Variants in RALGAPA1 observed in about 807,000 individuals in gnomAD.
RALGAPA1 encodes Ral GTPase activating protein catalytic subunit alpha 1.
Under a neutral mutation model 269.6 loss-of-function variants are expected in RALGAPA1, and 52 were observed. That is an observed-to-expected ratio of 0.19 (90% CI 0.15 to 0.24). The LOEUF is 0.24. Among genes scored for constraint, RALGAPA1 ranks in the 10% least tolerant of loss-of-function variants. RALGAPA1 has a pLI of 1.00. For synonymous variants in RALGAPA1, 817 were observed against 1,008.3 expected (o/e 0.81, Z 3.60); for missense variants, 1,917 against 3,013.9 (o/e 0.64, Z 8.52).
intron 38 of RALGAPA1, among the ~76,000 whole-genome samples, chr14:35,571,615 A>G (rs1167676898): frequency 1.3e-5 from 2 of 152,120 alleles, no homozygotes; most frequent in African/African-American, 2.4e-5. Context: ...CGGAGGTTGC[A>G]GTGAGCCGAG....
intron 1 of RALGAPA1, among the ~76,000 whole-genome samples, chr14:35,781,239 G>A (rs1003900064): frequency 1.3e-5 from 2 of 152,092 alleles, no homozygotes; most frequent in Non-Finnish European, 2.9e-5. Context: ...CTGTATGCTA[G>A]CAAATTACAC....
chr14:35,600,232 C>CTTTTTTTTTTTTTTTTT (rs71124708), intron 36 of RALGAPA1, among the ~76,000 whole-genome samples: 6 of 86,950 alleles, frequency 6.9e-5, no homozygotes, highest in Non-Finnish European at 9.3e-5. Flanking sequence ...TTCTTTTTTT[C>CTTTTTTTTTTTTTTTTT]TTTTTTTTTT....
chr14:35,749,066 CCACCTAT>C (rs1424554846), intron 9 of RALGAPA1, among the ~76,000 whole-genome samples: 2 of 152,040 alleles, frequency 1.3e-5, no homozygotes, highest in Non-Finnish European at 2.9e-5. Flanking sequence ...AATCATCTAC[CCACCTAT>C]AGTTATATAT....
chr14:35,604,090 C>T (rs892056634), intron 36 of RALGAPA1, among the ~76,000 whole-genome samples: 1 of 151,982 alleles, frequency 6.6e-6, no homozygotes, highest in East Asian at 1.9e-4. Flanking sequence ...TATGCACTTA[C>T]CAAAATTATA....
intron 1 of RALGAPA1, among the ~76,000 whole-genome samples, chr14:35,797,385 C>CT (rs2076652560): frequency 7.2e-6 from 1 of 139,732 alleles, no homozygotes; most frequent in Non-Finnish European, 1.5e-5. Context: ...AAAGTAAAGA[C>CT]TTTTTCAGAC....
chr14:35,672,971 G>A lies in RALGAPA1; in HGVS notation c.4969C>T (p.Leu1657Phe). ...CTTCTTTTCATTGTATTACAAATAA[G>A]TTTATATGCATGTAATTTACCTTGT... ...YKQGKLHAYK[L>F]ICNTMKRRQD... Residue 1657 changes from leucine (L) to phenylalanine (F), a missense_variant, in exon 25 of 42, where the codon CTT becomes TTT. Leu to Phe is a conservative substitution (Grantham distance 22, BLOSUM62 0). Around this residue, in one of 11 missense-constraint regions of RALGAPA1, gnomAD observed 73 missense variants for 190.6 expected, o/e 0.38. Transcript: ENST00000680220. 1.3e-6 allele frequency: 2 copies of A among 1,562,618 alleles called. No homozygotes were observed. Among genetic ancestry groups the A allele is most frequent in the Non-Finnish European group, 1.7e-6 (2 of 1,155,118 alleles).
chr14:35,598,679 CA>C (rs1272927436), intron 36 of RALGAPA1, among the ~76,000 whole-genome samples: 3 of 152,138 alleles, frequency 2.0e-5, no homozygotes, highest in Non-Finnish European at 4.4e-5. Flanking sequence ...CTTGGCCTCC[CA>C]AAGTGTTGGG....
chr14:35,684,962 T>A lies in RALGAPA1; in HGVS notation c.4261A>T (p.Ser1421Cys). The A allele has an allele frequency of 6.2e-7, 1 of 1,613,584 alleles. No individual in the cohort carries two copies. Among genetic ancestry groups the A allele is most frequent in the Non-Finnish European group, 8.5e-7 (1 of 1,179,904 alleles). Residue 1421 changes from serine (S) to cysteine (C), a missense_variant, in exon 20 of 42, where the codon AGC (serine) becomes TGC (cysteine). Around this residue, in one of 11 missense-constraint regions of RALGAPA1, gnomAD observed 615 missense variants for 790.0 expected, o/e 0.78. Transcript: ENST00000680220. ...TTTCGGCCATCATATTGGAAAGCGC[T>A]GAAAGAATCCGAATGACTATCTGAG... ...ISSDSHSDSF[S>C]AFQYDGRKFD...
intron 8 of RALGAPA1, 76 bp from the exon 9 acceptor site, chr14:35,750,766 A>G (rs537915700): frequency 8.3e-7 from 1 of 1,204,540 alleles, no homozygotes; most frequent in African/African-American, 1.5e-5. Context: ...ATTTTTAAAT[A>G]CTTGAGAAAA....
intron 38 of RALGAPA1, among the ~76,000 whole-genome samples, chr14:35,571,174 A>T (rs1461874496): frequency 2.0e-5 from 3 of 152,210 alleles, no homozygotes; most frequent in Admixed American, 6.5e-5. Context: ...CCCTTATTAC[A>T]CAGTTTATTA....
chr14:35,586,111 G>A (rs1163491343), intron 37 of RALGAPA1, among the ~76,000 whole-genome samples: 2 of 152,074 alleles, frequency 1.3e-5, no homozygotes, highest in Admixed American at 6.6e-5. Flanking sequence ...ATTTGTTTGT[G>A]TCCTCTTTTA....
intron 16 of RALGAPA1, among the ~76,000 whole-genome samples, chr14:35,710,204 G>C (rs1408813563): frequency 7.9e-5 from 12 of 152,104 alleles, no homozygotes; most frequent in Non-Finnish European, 1.5e-5. Context: ...CATGTATTTT[G>C]ATACCCTGTT....
chr14:35,606,979 T>C (rs1215506530), intron 35 of RALGAPA1, among the ~76,000 whole-genome samples: 3 of 152,172 alleles, frequency 2.0e-5, no homozygotes, highest in Non-Finnish European at 4.4e-5. Flanking sequence ...GATGTATCAG[T>C]AGGATATGCT....
intron 41 of RALGAPA1, among the ~76,000 whole-genome samples, 195 bp from the exon 42 acceptor site, chr14:35,539,885 A>G (rs2138949066): frequency 6.6e-6 from 1 of 152,274 alleles, no homozygotes; most frequent in Admixed American, 6.5e-5. Flanking sequence ...GGCTCATGTC[A>G]TTATATTAGC....
chr14:35,675,236 C>T (rs983963385), intron 22 of RALGAPA1, among the ~76,000 whole-genome samples: 4 of 152,166 alleles, frequency 2.6e-5, no homozygotes, highest in African/African-American at 9.7e-5. Flanking sequence ...AGTGCAATGG[C>T]GTGATCTTGA....
At chr14:35,560,288 T>C (rs1224571201) in intron 39 of RALGAPA1, among the ~76,000 whole-genome samples, 1 of 152,194 alleles carries the variant, frequency 6.6e-6, no homozygotes, top group Non-Finnish European at 1.5e-5. Flanking sequence ...ACCTACTTCT[T>C]GATCTTTATC....
At chr14:35,759,258 C>A (rs535749091) in intron 6 of RALGAPA1, among the ~76,000 whole-genome samples, 1 of 152,244 alleles carries the variant, frequency 6.6e-6, no homozygotes, top group African/African-American at 2.4e-5. Context: ...TACCACAAAA[C>A]CTAAATTTAT....
intron 4 of RALGAPA1, chr14:35,766,262 T>C (rs183640564): frequency 1.1e-5 from 9 of 810,946 alleles, no homozygotes; most frequent in Non-Finnish European, 1.1e-5. Flanking sequence ...ATGCAGCAAT[T>C]GTCTTGGGTG....
At chr14:35,731,631 A>G (rs1036791876) in intron 12 of RALGAPA1, among the ~76,000 whole-genome samples, 2 of 152,234 alleles carry the variant, frequency 1.3e-5, no homozygotes, top group Non-Finnish European at 2.9e-5. Context: ...AGTAGAAGAA[A>G]GAAATTCAGA....
Sources: allele counts gnomAD v4.1 joint callset (sites outside exome capture counted in the v4.1 genomes callset), GRCh38; gene constraint gnomAD v4.1.1; regional missense constraint gnomAD v4.1.1; transcripts MANE v1.5; gene names NCBI Gene and HGNC (gene_info 2026-07-23, HGNC 2026-07-21).